CHAF1B: variants seen among roughly 807,000 people sequenced by gnomAD.
The protein encoded by CHAF1B is chromatin assembly factor 1 subunit B, also known as CAF-1 subunit B.
In CHAF1B, 10 loss-of-function variants were observed where a neutral mutation model predicts 60.7. That is an observed-to-expected ratio of 0.16 (90% CI 0.10 to 0.28). The LOEUF is 0.28. CHAF1B is among the 10% of genes least tolerant of loss of function. The probability of loss-of-function intolerance (pLI) is 1.00; values close to 1 mark genes in which losing one functional copy is unlikely to be tolerated. For missense variants in CHAF1B, 558 were observed against 708.4 expected, an observed-to-expected ratio of 0.79 and a Z score of 2.41; for synonymous variants, 261 against 266.1, an observed-to-expected ratio of 0.98 and a Z score of 0.19.
Position 36,394,694 on chromosome 21 carries a change from G to A in CHAF1B, c.481+44G>A. 2.4e-6 allele frequency: 3 copies of A among 1,264,646 alleles called. No individual in the cohort carries two copies. In the East Asian group the frequency reaches 7.2e-5, roughly 30 times the overall value. 78.3% of individuals were successfully genotyped at this position (1,264,646 alleles called of 1,614,324 possible). On this transcript the variant is annotated intron_variant, in intron 5 of 13. Transcript: ENST00000314103. ...TTATTAGCAGGAAGAAATATTCTAA[G>A]CATCTATAAAAGCCTAAAAGTCTAA... is the stretch of plus-strand genomic sequence containing the variant.
intron 7 of CHAF1B, 106 bp from the exon 8 acceptor site, chr21:36,402,652 G>A (rs2086200619): frequency 2.4e-6 from 2 of 830,166 alleles, no homozygotes; most frequent in African/African-American, 1.7e-5. Flanking sequence ...ACATATAGCA[G>A]TTGGGAAGCG....
intron 5 of CHAF1B, among the ~76,000 whole-genome samples, chr21:36,397,117 A>G (rs1052178255): frequency 2.6e-5 from 4 of 152,106 alleles, no homozygotes; most frequent in Non-Finnish European, 4.4e-5. Flanking sequence ...AACTGAACTT[A>G]GATCTTCTCA....
intron 8 of CHAF1B, among the ~76,000 whole-genome samples, chr21:36,406,955 A>G (rs534735430): frequency 6.6e-6 from 1 of 152,208 alleles, no homozygotes; most frequent in South Asian, 2.1e-4. Flanking sequence ...AAAATAGAAA[A>G]CTCTTGTAAG....
At chr21:36,387,299 T>C (rs1016933378) in intron 2 of CHAF1B, among the ~76,000 whole-genome samples, 2 of 150,696 alleles carry the variant, frequency 1.3e-5, no homozygotes, top group Non-Finnish European at 2.9e-5. Context: ...CTTGGCTCAG[T>C]GCAGCCCCGA....
At chr21:36,407,354 A>T (rs555748091) in intron 8 of CHAF1B, among the ~76,000 whole-genome samples, 18 of 152,194 alleles carry the variant, frequency 1.2e-4, no homozygotes, top group African/African-American at 4.3e-4. Context: ...AGCATTGTTT[A>T]TAGTGGTAAA....
Position 36,416,602 on chromosome 21 carries a change from T to C in CHAF1B, c.*236T>C. 1 of 392,544 alleles carries C rather than the reference T, an allele frequency of 2.5e-6. No individual in the cohort carries two copies. Among genetic ancestry groups the C allele is most frequent in the Non-Finnish European group, 4.6e-6 (1 of 216,018 alleles). The allele number at this position is 392,544 out of a possible 1,614,324, so 24.3% of individuals were successfully genotyped here. On this transcript the variant is annotated 3_prime_UTR_variant, in exon 14 of 14. Transcript: ENST00000314103. The stretch of plus-strand genomic sequence containing the variant: ...TTAACGTAGTAAATCCTCTTTTTGA[T>C]GAGTTTCTGAAACTGGAGCGGTTCA...
At chr21:36,415,767 T>TTTTTTTTTTTTTTTTTTTCTC in intron 13 of CHAF1B, 1 of 419,018 alleles carries the variant, frequency 2.4e-6, no homozygotes. Flanking sequence ...TTTTTCTTTT[T>TTTTTTTTTTTTTTTTTTTCTC]TTTGAGATGC....
At chr21:36,390,333 C>CAAAAGA (rs771597728) in intron 3 of CHAF1B, among the ~76,000 whole-genome samples, 10,801 of 81,818 alleles carry the variant, frequency 0.13, 809 homozygotes, top group South Asian at 0.46. Context: ...AACACCATCT[C>CAAAAGA]AAAAAAAAAA....
Position 36,418,776 on chromosome 21 carries a change from G to A in CHAF1B, c.*2410G>A, listed in dbSNP as rs2086335552. 6.6e-6 allele frequency: 1 copy of A among 151,620 alleles called. No individual in the cohort carries two copies. The highest frequency in any genetic ancestry group is 2.4e-5 in the African/African-American group (1 of 41,158). The allele number at this position is 151,620 out of a possible 1,614,324, so 9.4% of individuals were successfully genotyped here. On this transcript the variant is annotated 3_prime_UTR_variant, in exon 14 of 14. Coordinates refer to ENST00000314103, the MANE Select transcript of CHAF1B (RefSeq NM_005441.3). ...AGGCACAAGAATCGCTTGAACCCGGGAGGCGGAGTTTGTAGTGAGCTGAGA... is the reference window on the plus strand; with the variant it reads ...AGGCACAAGAATCGCTTGAACCCGGAAGGCGGAGTTTGTAGTGAGCTGAGA...
In CHAF1B at chr21:36,409,593, T is replaced by A. The variant is rs1324208967; in HGVS notation, c.919+128T>A. ...TGGGTTTGGTTCAGTTCAGTTATTT[T>A]AAAAATATTTTATTTTTACATTTAA... On this transcript the variant is annotated intron_variant, in intron 10 of 13. Transcript: ENST00000314103. The A allele has an allele frequency of 2.1e-5, 10 of 473,094 alleles. No homozygotes were observed. The Admixed American group carries it at 3.5e-4, about 16-fold the overall frequency. 29.3% of individuals were successfully genotyped at this position (473,094 alleles called of 1,614,324 possible).
At chr21:36,407,159 G>A (rs919405497) in intron 8 of CHAF1B, among the ~76,000 whole-genome samples, 16 of 152,060 alleles carry the variant, frequency 1.1e-4, no homozygotes, top group Admixed American at 5.2e-4. Context: ...AAAATTAGCC[G>A]GGCATGGTGA....
chr21:36,413,076 A>T lies in CHAF1B; in HGVS notation c.1254A>T (p.Gly418=). The T allele has an allele frequency of 1.2e-6, 2 of 1,614,102 alleles. No homozygotes were observed. The highest frequency in any genetic ancestry group is 2.2e-5 in the South Asian group (2 of 91,064). The change falls in exon 12 of 14, where the codon GGA becomes GGT. Residue 418 remains glycine, a synonymous_variant. Coordinates refer to ENST00000314103, the MANE Select transcript of CHAF1B (RefSeq NM_005441.3). The part of the protein sequence containing the change: ...GSSPGPRPVE[G]TPASRTQDPS... ...CGCCAGGACCCAGACCGGTAGAGGG[A>T]ACCCCTGCCAGCAGAACCCAAGACC...
At position 36,416,283 on chromosome 21, in the gene CHAF1B, G is replaced by A. The variant is rs1053886261; in HGVS notation, c.1597G>A (p.Gly533Arg). The A allele has an allele frequency of 6.2e-7, 1 of 1,612,940 alleles. No individual in the cohort carries two copies. Among genetic ancestry groups the A allele is most frequent in the South Asian group, 1.1e-5 (1 of 91,048 alleles). ...STEEIQSETPGDAQGSPPELK... is the reference protein window; with the variant it reads ...STEEIQSETPRDAQGSPPELK... ...GTTTGTTAATGTTGCAGAGACGCCTGGAGACGCTCAGGGCAGTCCCCCAGA... is the reference window on the plus strand; with the variant it reads ...GTTTGTTAATGTTGCAGAGACGCCTAGAGACGCTCAGGGCAGTCCCCCAGA... Residue 533 changes from glycine to arginine, a missense_variant, in exon 14 of 14, where the codon GGA becomes AGA. Physicochemically the swap from Gly to Arg is moderately radical, Grantham distance 125. Coordinates refer to ENST00000314103, the MANE Select transcript of CHAF1B (RefSeq NM_005441.3).
chr21:36,396,508 C>A (rs2086140486), intron 5 of CHAF1B, among the ~76,000 whole-genome samples: 1 of 151,128 alleles, frequency 6.6e-6, no homozygotes, highest in Non-Finnish European at 1.5e-5. Context: ...CAAAAAAATA[C>A]AAAAATTAGC....
At position 36,411,521 on chromosome 21, in the gene CHAF1B, C is replaced by T. The variant is rs199657347; in HGVS notation, c.978C>T (p.Ser326=). Reference sequence around the variant, plus strand: ...TGTTTGCTGTGGCCTCGGAGGATTCCGTGCTTCTGTATGACACCCAGCAGT... The same window carrying T: ...TGTTTGCTGTGGCCTCGGAGGATTCTGTGCTTCTGTATGACACCCAGCAGT... ...RLVFAVASED[S]VLLYDTQQSF... is the part of the protein sequence containing the mutation. The change falls in exon 11 of 14, where the codon TCC becomes TCT. Residue 326 remains serine, a synonymous_variant. Transcript: ENST00000314103. The T allele has an allele frequency of 1.5e-5, 25 of 1,614,096 alleles. No individual in the cohort carries two copies. The highest frequency in any genetic ancestry group is 1.7e-4 in the Middle Eastern group (1 of 6,058).
intron 4 of CHAF1B, among the ~76,000 whole-genome samples, chr21:36,393,446 C>CTTTT (rs748789062): frequency 6.1e-5 from 7 of 115,130 alleles, no homozygotes; most frequent in Non-Finnish European, 7.2e-5. Context: ...TACAGCTATC[C>CTTTT]TTTTTTTTTT....
chr21:36,401,349 T>C lies in CHAF1B; in HGVS notation c.664-1409T>C, dbSNP rs181002034. Among the ~76,000 whole-genome samples, 422 of 142,298 alleles carry C rather than the reference T, an allele frequency of 3.0e-3. 2 individuals are homozygous for C. The highest frequency in any genetic ancestry group is 0.01 in the African/African-American group (401 of 38,934). The allele number at this position is 142,298 out of a possible 152,430, so 93.4% of individuals were successfully genotyped here. A position where few individuals can be genotyped will look rare whatever the true frequency, so the allele number is the denominator to read the frequency against. ...TAATATGTTATATATTTATATTATA[T>C]ATAATATATTTTTATATTATACATA... On this transcript the variant is annotated intron_variant, in intron 7 of 13. Transcript: ENST00000314103.
chr21:36,393,554 C>T lies in CHAF1B; in HGVS notation c.378-993C>T, dbSNP rs571049267. On this transcript the variant is annotated intron_variant, in intron 4 of 13. Coordinates refer to ENST00000314103, the MANE Select transcript of CHAF1B (RefSeq NM_005441.3). ...GCAACCTCTGCCTCCTGGGTTCAAG[C>T]GATTCTCCTACCTCAGCCTCCCGAG... Among the ~76,000 whole-genome samples the T allele has an allele frequency of 2.5e-3, 363 of 146,816 alleles. 3 individuals carry two copies. Among genetic ancestry groups the T allele is most frequent in the Non-Finnish European group, 3.2e-3 (215 of 67,032 alleles).
Position 36,415,301 on chromosome 21 carries a change from A to G in CHAF1B, c.1500A>G (p.Ile500Met). ...TTTTTTTTTTTAAATCAAGGAGAAT[A>G]AACTTAACACCCTTAAAGACGGACA... ...QAWSKTTPRR[I>M]NLTPLKTDTP... The change falls in exon 13 of 14, where the codon ATA becomes ATG. Residue 500 changes from isoleucine to methionine, a missense_variant. Coordinates refer to ENST00000314103, the MANE Select transcript of CHAF1B (RefSeq NM_005441.3). The G allele has an allele frequency of 1.2e-6, 2 of 1,606,134 alleles. No individual in the cohort carries two copies.
Sources: gnomAD v4.1 joint callset for allele counts (sites outside exome capture counted in the v4.1 genomes callset) on GRCh38, gnomAD v4.1.1 for gene constraint, MANE v1.5 for transcripts, NCBI Gene and HGNC (gene_info 2026-07-23, HGNC 2026-07-21) for gene names.